MIEF2: variants seen among roughly 807,000 people sequenced by gnomAD.
The protein encoded by MIEF2 is mitochondrial dynamics protein MID49.
Under a neutral mutation model 7.4 loss-of-function variants are expected in MIEF2, and 1 was observed. That is an observed-to-expected ratio of 0.14 (90% CI 0.05 to 0.64). MIEF2 has a LOEUF of 0.64. Ranked by LOEUF, MIEF2 falls within the 30% of genes least tolerant of loss-of-function variation. MIEF2 has a pLI of 0.85. For synonymous variants in MIEF2, 275 were observed against 290.5 expected (o/e 0.95, Z 0.54); for missense variants, 569 against 623.9 (o/e 0.91, Z 0.94).
Position 18,264,474 on chromosome 17 carries a change from C to CTGCTGT in MIEF2, c.1076_1081dup (p.Leu359_Leu360dup). 2 of 1,605,194 alleles carry CTGCTGT rather than the reference C, an allele frequency of 1.2e-6. No homozygotes were observed. Among genetic ancestry groups the CTGCTGT allele is most frequent in the African/African-American group, 1.3e-5 (1 of 75,052 alleles). On this transcript the variant is annotated inframe_insertion, in exon 4 of 4. Transcript: ENST00000323019. ...TGGGACTCGCCGGCGGCTGCTGCTG[C>CTGCTGT]TGCTGTGTGCTGTCTGCCGTGGTTG...
Position 18,264,285 on chromosome 17 carries a change from C to A in MIEF2, c.886C>A (p.Arg296Ser), listed in dbSNP as rs1393263670. The A allele has an allele frequency of 1.9e-6, 3 of 1,606,970 alleles. No individual in the cohort carries two copies. The highest frequency in any genetic ancestry group is 2.2e-5 in the South Asian group (2 of 91,086). The part of the protein sequence containing the change: ...EELLLEVQHE[R>S]LELTVAVLVA... ...GCTGCTGCTCGAGGTGCAGCACGAA[C>A]GCCTGGAGCTCACTGTGGCTGTGCT... Residue 296 changes from arginine to serine, a missense_variant, in exon 4 of 4, where the codon CGC becomes AGC. Arg to Ser is a moderately radical substitution (Grantham distance 110, BLOSUM62 -1). Coordinates refer to ENST00000323019, the MANE Select transcript of MIEF2 (RefSeq NM_139162.4).
chr17:18,263,805 C>G lies in MIEF2; in HGVS notation c.406C>G (p.Arg136Gly), dbSNP rs752320338. 6.2e-6 allele frequency: 10 copies of G among 1,609,758 alleles called. No individual in the cohort carries two copies. In the South Asian group the frequency reaches 1.1e-4, roughly 18 times the overall value. ...GCAGGAGAGGCTGCTGGCCTTCGAG[C>G]GGGACCGTGTGACCATCCCAGCAGC... ...TLQERLLAFE[R>G]DRVTIPAAQV... is the part of the protein sequence containing the mutation. Residue 136 changes from arginine (R) to glycine (G), a missense_variant, in exon 4 of 4, where the codon CGG becomes GGG. Arg to Gly is a moderately radical substitution (Grantham distance 125). Coordinates refer to ENST00000323019, the MANE Select transcript of MIEF2 (RefSeq NM_139162.4).
intron 1 of MIEF2, chr17:18,261,065 G>T: frequency 1.3e-6 from 2 of 1,537,298 alleles, no homozygotes; most frequent in Non-Finnish European, 1.8e-6. Context: ...GTTATTTTCA[G>T]CCACCCGTGC....
Position 18,263,158 on chromosome 17 carries a change from C to G in MIEF2, c.220C>G (p.Leu74Val). ...AGACAGCTGGAAGGAACTGAGCCTG[C>G]TCAAGGCCACACCACACCTGCAGCC... is the stretch of plus-strand genomic sequence containing the variant. ...KADSWKELSL[L>V]KATPHLQPRP... The change falls in exon 3 of 4, where the codon CTC becomes GTC. Residue 74 changes from leucine to valine, a missense_variant. Transcript: ENST00000323019. 6.2e-7 allele frequency: 1 copy of G among 1,613,650 alleles called. No individual in the cohort carries two copies. Among genetic ancestry groups the G allele is most frequent in the Non-Finnish European group, 8.5e-7 (1 of 1,180,044 alleles).
chr17:18,261,976 G>A (rs1383289932), intron 1 of MIEF2, among the ~76,000 whole-genome samples: 1 of 152,216 alleles, frequency 6.6e-6, no homozygotes, highest in Non-Finnish European at 1.5e-5. Flanking sequence ...GCTCTGACTT[G>A]GTAGCTCTGC....
chr17:18,264,409 T>C lies in MIEF2; in HGVS notation c.1010T>C (p.Val337Ala). 1.9e-6 allele frequency: 3 copies of C among 1,601,000 alleles called. No homozygotes were observed. The South Asian group carries it at 3.3e-5, about 18-fold the overall frequency. The change falls in exon 4 of 4, where the codon GTG (valine) becomes GCG (alanine). Residue 337 changes from valine to alanine, a missense_variant. Coordinates refer to ENST00000323019, the MANE Select transcript of MIEF2 (RefSeq NM_139162.4). ...GNLWLQDLYPVEAARLRALDD... is the reference protein window; with the variant it reads ...GNLWLQDLYPAEAARLRALDD... ...CTCTGGCTGCAGGACCTGTATCCAG[T>C]GGAGGCTGCTAGGCTGCGAGCCCTG...
In MIEF2 at chr17:18,264,542, G is replaced by A; in HGVS notation, c.1143G>A (p.Val381=). The change falls in exon 4 of 4, where the codon GTG becomes GTA. Residue 381 remains valine (V), a synonymous_variant. Transcript: ENST00000323019. The stretch of plus-strand genomic sequence containing the variant: ...TAGGCCGGGGTCACCTGACCCAGGT[G>A]GTCCTGCGTCTGGGGGAGGACAACG... ...GQLGRGHLTQ[V]VLRLGEDNVD... is the part of the protein sequence containing the mutation. 6.2e-7 allele frequency: 1 copy of A among 1,610,484 alleles called. No homozygotes were observed. The highest frequency in any genetic ancestry group is 2.2e-5 in the East Asian group (1 of 44,880).
In MIEF2 at chr17:18,265,258, C is replaced by T. The variant is rs1978686098; in HGVS notation, c.*494C>T. On this transcript the variant is annotated 3_prime_UTR_variant, in exon 4 of 4. Coordinates refer to ENST00000323019, the MANE Select transcript of MIEF2 (RefSeq NM_139162.4). ...TTCTGTCCCCCAGGGGCTGGAGTCA[C>T]CTGGTGCCCCTGAAGGACAGATTTT... 1 of 155,050 alleles carries T rather than the reference C, an allele frequency of 6.4e-6. No homozygotes were observed. Among genetic ancestry groups the T allele is most frequent in the African/African-American group, 2.4e-5 (1 of 41,494 alleles). 9.6% of individuals were successfully genotyped at this position (155,050 alleles called of 1,614,324 possible).
chr17:18,262,967 G>A (rs1162213266), intron 2 of MIEF2, 100 bp downstream of exon 2: 46 of 1,541,266 alleles, frequency 3.0e-5, no homozygotes, highest in Non-Finnish European at 3.7e-5. Context: ...ACTGCCCAAG[G>A]CCTTCATGGG....
chr17:18,264,906 A>T lies in MIEF2; in HGVS notation c.*142A>T. On this transcript the variant is annotated 3_prime_UTR_variant, in exon 4 of 4. Transcript: ENST00000323019. ...CATTACTTAAACCCAGGGCATCAGG[A>T]TGTGCTTGGGCTATGGTGGCCATAA... The T allele has an allele frequency of 7.2e-7, 1 of 1,388,294 alleles. No homozygotes were observed. Among genetic ancestry groups the T allele is most frequent in the Non-Finnish European group, 9.5e-7 (1 of 1,056,268 alleles). The allele number at this position is 1,388,294 out of a possible 1,614,324, so 86.0% of individuals were successfully genotyped here.
In MIEF2 at chr17:18,263,819, C is replaced by G. The variant is rs750854608; in HGVS notation, c.420C>G (p.Thr140=). The change falls in exon 4 of 4, where the codon ACC becomes ACG. Residue 140 remains threonine, a synonymous_variant. Coordinates refer to ENST00000323019, the MANE Select transcript of MIEF2 (RefSeq NM_139162.4). The stretch of plus-strand genomic sequence containing the variant: ...TGGCCTTCGAGCGGGACCGTGTGAC[C>G]ATCCCAGCAGCCCAGGTGGCTTTGG... The part of the protein sequence containing the change: ...RLLAFERDRV[T]IPAAQVALAK... 1.8e-5 allele frequency: 29 copies of G among 1,608,606 alleles called. No individual in the cohort carries two copies. The highest frequency in any genetic ancestry group is 1.6e-4 in the Middle Eastern group (1 of 6,078).
In MIEF2 at chr17:18,265,810, T is replaced by C. The variant is rs537594604; in HGVS notation, c.*1046T>C. ...AGGCTGGATAAGGGAGTCTTGGTGCTTTCATACGCAGCTGTTGAGGGTTTT... is the reference window on the plus strand; with the variant it reads ...AGGCTGGATAAGGGAGTCTTGGTGCCTTCATACGCAGCTGTTGAGGGTTTT... On this transcript the variant is annotated 3_prime_UTR_variant, in exon 4 of 4. Transcript: ENST00000323019. The C allele has an allele frequency of 6.6e-6, 1 of 152,606 alleles. No individual in the cohort carries two copies. The highest frequency in any genetic ancestry group is 2.1e-4 in the South Asian group (1 of 4,832). The allele number at this position is 152,606 out of a possible 1,614,324, so 9.5% of individuals were successfully genotyped here. A position where few individuals can be genotyped will look rare whatever the true frequency, so the allele number is the denominator to read the frequency against.
Position 18,262,818 on chromosome 17 carries a change from G to A in MIEF2, c.98G>A (p.Gly33Asp). Residue 33 changes from glycine (G) to aspartate (D), a missense_variant, in exon 2 of 4, where the codon GGC (glycine) becomes GAC (aspartate). By Grantham distance (94) the Gly-to-Asp change is moderately conservative (BLOSUM62 -1). Coordinates refer to ENST00000323019, the MANE Select transcript of MIEF2 (RefSeq NM_139162.4). Reference protein sequence around the residue: ...FLLANARLVLGVGGAAVLGIA... With the variant: ...FLLANARLVLDVGGAAVLGIA... ...CTGGCCAATGCCCGCCTGGTGCTGGGCGTGGGCGGGGCTGCTGTGCTGGGC... is the reference window on the plus strand; with the variant it reads ...CTGGCCAATGCCCGCCTGGTGCTGGACGTGGGCGGGGCTGCTGTGCTGGGC... The A allele has an allele frequency of 6.4e-7, 1 of 1,568,744 alleles. No homozygotes were observed. The highest frequency in any genetic ancestry group is 8.6e-7 in the Non-Finnish European group (1 of 1,156,720).
chr17:18,262,960 G>T (rs1645715614), intron 2 of MIEF2, 93 bp downstream of exon 2: 3 of 1,536,738 alleles, frequency 2.0e-6, no homozygotes, highest in Non-Finnish European at 2.6e-6. Flanking sequence ...GGTGGGGACT[G>T]CCCAAGGCCT....
chr17:18,263,673 G>T, intron 3 of MIEF2, 37 bp from the exon 4 acceptor site: 1 of 1,514,694 alleles, frequency 6.6e-7, no homozygotes, highest in Non-Finnish European at 8.8e-7. Context: ...CTAATCACAG[G>T]CTGTTCCGAC....
In MIEF2 at chr17:18,265,762, A is replaced by G. The variant is rs1182708201; in HGVS notation, c.*998A>G. 6.6e-6 allele frequency: 1 copy of G among 152,478 alleles called. No individual in the cohort carries two copies. 9.4% of individuals were successfully genotyped at this position (152,478 alleles called of 1,614,324 possible). On this transcript the variant is annotated 3_prime_UTR_variant, in exon 4 of 4. Coordinates refer to ENST00000323019, the MANE Select transcript of MIEF2 (RefSeq NM_139162.4). ...AGATGTGAACAAGAATAAAAGGAAA[A>G]AATTCTAATGTATATATAACTCAGG...
intron 1 of MIEF2, chr17:18,261,144 G>A (rs1252814085): frequency 1.3e-6 from 2 of 1,551,538 alleles, no homozygotes; most frequent in Non-Finnish European, 1.7e-6. Flanking sequence ...AGATGGGGCT[G>A]AGTCCCAATT....
In MIEF2 at chr17:18,265,814, A is replaced by T. The variant is rs1978720111; in HGVS notation, c.*1050A>T. On this transcript the variant is annotated 3_prime_UTR_variant, in exon 4 of 4. Coordinates refer to ENST00000323019, the MANE Select transcript of MIEF2 (RefSeq NM_139162.4). ...TGGATAAGGGAGTCTTGGTGCTTTC[A>T]TACGCAGCTGTTGAGGGTTTTCTGT... 6.6e-6 allele frequency: 1 copy of T among 152,466 alleles called. No individual in the cohort carries two copies. Among genetic ancestry groups the T allele is most frequent in the Non-Finnish European group, 1.5e-5 (1 of 68,042 alleles). The allele number at this position is 152,466 out of a possible 1,614,324, so 9.4% of individuals were successfully genotyped here.
At chr17:18,261,858 T>C (rs1332335790) in intron 1 of MIEF2, among the ~76,000 whole-genome samples, 1 of 152,208 alleles carries the variant, frequency 6.6e-6, no homozygotes, top group Non-Finnish European at 1.5e-5. Context: ...GAGCCCCCTG[T>C]ACAGAGGCAC....
Sources: gnomAD v4.1 joint callset for allele counts (sites outside exome capture counted in the v4.1 genomes callset) on GRCh38, gnomAD v4.1.1 for gene constraint, MANE v1.5 for transcripts, NCBI Gene and HGNC (gene_info 2026-07-23, HGNC 2026-07-21) for gene names.